GNA14: variants seen among roughly 807,000 people sequenced by gnomAD.
The protein encoded by GNA14 is G protein subunit alpha 14.
A neutral mutation model predicts 42.0 loss-of-function variants in GNA14; 50 were observed. That is an observed-to-expected ratio of 1.19 (90% CI 0.95 to 1.51). The LOEUF (loss-of-function observed/expected upper bound fraction) is 1.51, where lower values mean the gene tolerates loss of function less well. Among genes scored for constraint, GNA14 ranks in the 40% most tolerant of loss-of-function variants. The pLI, the probability that GNA14 is intolerant of heterozygous loss-of-function variation, is 0.00. For synonymous variants in GNA14, 173 were observed against 163.1 expected (o/e 1.06, Z -0.46); for missense variants, 473 against 446.2 (o/e 1.06, Z -0.54).
intron 2 of GNA14, among the ~76,000 whole-genome samples, chr9:77,516,664 T>G (rs1837263706): frequency 1.4e-5 from 2 of 147,496 alleles, no homozygotes. Flanking sequence ...AGGCGGAGGT[T>G]GCAGTAAGCT....
At position 77,647,912 on chromosome 9, in the gene GNA14, G is replaced by A. The variant is rs1430994332; in HGVS notation, c.-119C>T. The stretch of plus-strand genomic sequence containing the variant: ...AGGGGTGTGGAAAGAAAAGACGGGG[G>A]CCGACTTGAGCTTTGGAGTAAGACG... On this transcript the variant is annotated 5_prime_UTR_variant, in exon 1 of 7. Transcript: ENST00000341700. 20 of 1,202,358 alleles carry A rather than the reference G, an allele frequency of 1.7e-5. No homozygotes were observed. The highest frequency in any genetic ancestry group is 2.0e-5 in the Non-Finnish European group (17 of 869,656). 74.5% of individuals were successfully genotyped at this position (1,202,358 alleles called of 1,614,324 possible).
chr9:77,494,753 A>G (rs7029884), intron 2 of GNA14, among the ~76,000 whole-genome samples: 72,686 of 151,652 alleles, frequency 0.48, 18,075 homozygotes, highest in East Asian at 0.83. Flanking sequence ...GCCTTCAAAT[A>G]TGCAAAGAGT....
At chr9:77,476,766 T>C (rs973671401) in intron 2 of GNA14, among the ~76,000 whole-genome samples, 1 of 152,182 alleles carries the variant, frequency 6.6e-6, no homozygotes, top group African/African-American at 2.4e-5. Flanking sequence ...AGTGAGTACA[T>C]AGCACTTAAC....
intron 2 of GNA14, chr9:77,526,501 A>G (rs998667425): frequency 6.6e-6 from 1 of 152,206 alleles, no homozygotes; most frequent in Non-Finnish European, 1.5e-5. Flanking sequence ...TCCTTGTAAG[A>G]AAAGGGAAAT....
chr9:77,468,851 A>G (rs111469889), intron 2 of GNA14, among the ~76,000 whole-genome samples: 277 of 152,258 alleles, frequency 1.8e-3, no homozygotes, highest in African/African-American at 6.5e-3. Context: ...CAAGAAATAA[A>G]TCTTAGTTGT....
In GNA14 at chr9:77,429,187, G is replaced by A. The variant is rs187445777; in HGVS notation, c.594-151C>T. On this transcript the variant is annotated intron_variant, in intron 4 of 6. Transcript: ENST00000341700. ...GGTTCTAAGTTTTAAAATGTTTGAT[G>A]CTGCTGCTTTAAGCAATGAGGGACC... 2.4e-5 allele frequency: 17 copies of A among 709,180 alleles called. No individual in the cohort carries two copies. The East Asian group carries it at 4.2e-4, about 18-fold the overall frequency. The allele number at this position is 709,180 out of a possible 1,614,324, so 43.9% of individuals were successfully genotyped here.
rs188911448 is a variant in GNA14, at chr9:77,489,206, C to T, written c.309+39863G>A. On this transcript the variant is annotated intron_variant, in intron 2 of 6. Transcript: ENST00000341700. ...AAGAATGAATGAGCCCAAAGACAGGCGGTGTGAAAATACACAGTTAGAGGG... is the reference window on the plus strand; with the variant it reads ...AAGAATGAATGAGCCCAAAGACAGGTGGTGTGAAAATACACAGTTAGAGGG... Among the ~76,000 whole-genome samples the T allele has an allele frequency of 5.9e-3, 901 of 151,496 alleles. 9 individuals carry two copies. Among genetic ancestry groups the T allele is most frequent in the Middle Eastern group, 0.031 (9 of 294 alleles).
chr9:77,513,295 CG>C (rs893052287), intron 2 of GNA14, among the ~76,000 whole-genome samples: 1 of 152,220 alleles, frequency 6.6e-6, no homozygotes, highest in African/African-American at 2.4e-5. Flanking sequence ...CTGCCTGGGA[CG>C]TCAGGCCTCC....
In GNA14 at chr9:77,529,056, C is replaced by G; in HGVS notation, c.309+13G>C. The stretch of plus-strand genomic sequence containing the variant: ...CATTCACAAATAGGGCAAGCACTCC[C>G]TAAGCACGTTACCTTATTCTGTTCA... On this transcript the variant is annotated intron_variant, in intron 2 of 6. Coordinates refer to ENST00000341700, the MANE Select transcript of GNA14 (RefSeq NM_004297.4). The G allele has an allele frequency of 2.5e-6, 4 of 1,612,596 alleles. No homozygotes were observed. Among genetic ancestry groups the G allele is most frequent in the Non-Finnish European group, 3.4e-6 (4 of 1,178,608 alleles).
At chr9:77,437,787 G>T (rs956603489) in intron 2 of GNA14, among the ~76,000 whole-genome samples, 6 of 152,140 alleles carry the variant, frequency 3.9e-5, no homozygotes, top group African/African-American at 1.4e-4. Context: ...AATGAACACA[G>T]ATATGCCCTC....
intron 3 of GNA14, among the ~76,000 whole-genome samples, chr9:77,433,827 T>C (rs1312081169): frequency 6.6e-6 from 1 of 152,214 alleles, no homozygotes; most frequent in Non-Finnish European, 1.5e-5. Flanking sequence ...TTGAGCTTCC[T>C]GTGTGTGCTG....
At chr9:77,458,904 A>AGC (rs55765810) in intron 2 of GNA14, among the ~76,000 whole-genome samples, 3 of 134,404 alleles carry the variant, frequency 2.2e-5, no homozygotes, top group African/African-American at 2.7e-5. Context: ...CACAAGCTGG[A>AGC]GGGGGGGGGG....
intron 2 of GNA14, among the ~76,000 whole-genome samples, chr9:77,444,054 C>T (rs1835776526): frequency 6.6e-6 from 1 of 152,166 alleles, no homozygotes; most frequent in African/African-American, 2.4e-5. Context: ...AATACTTAAA[C>T]CCCTGTAGCT....
In GNA14 at chr9:77,424,158, C is replaced by T. The variant is rs1218657765; in HGVS notation, c.889G>A (p.Asp297Asn). Residue 297 changes from aspartate (D) to asparagine (N), a missense_variant, in exon 7 of 7, where the codon GAT becomes AAT. Transcript: ENST00000341700. ...YFPEYTGPKQ[D>N]VRAARDFILK... ...ATAAAGTCTCTGGCAGCTCTGACAT[C>T]CTGTTTCGGTCCTAGTCACAAGTGC... The T allele has an allele frequency of 2.5e-6, 4 of 1,608,076 alleles. No individual in the cohort carries two copies. Among genetic ancestry groups the T allele is most frequent in the African/African-American group, 2.7e-5 (2 of 74,776 alleles).
intron 1 of GNA14, among the ~76,000 whole-genome samples, chr9:77,564,376 A>G (rs1165031967): frequency 6.6e-6 from 1 of 151,944 alleles, no homozygotes; most frequent in Non-Finnish European, 1.5e-5. Context: ...GTCAGGCTGC[A>G]TACTTTAAAA....
chr9:77,462,721 G>A lies in GNA14; in HGVS notation c.310-28199C>T, dbSNP rs1488063230. Among the ~76,000 whole-genome samples the A allele has an allele frequency of 1.7e-4, 6 of 35,426 alleles. No homozygotes were observed. The East Asian group carries it at 6.3e-3, about 37-fold the overall frequency. 23.2% of individuals were successfully genotyped at this position (35,426 alleles called of 152,430 possible). A position where few individuals can be genotyped will look rare whatever the true frequency, so the allele number is the denominator to read the frequency against. On this transcript the variant is annotated intron_variant, in intron 2 of 6. Coordinates refer to ENST00000341700, the MANE Select transcript of GNA14 (RefSeq NM_004297.4). ...GGGTGACAGAGCAAGACTCCATCTC[G>A]GGGCGGGGGGTGGGGGGGTGGGAAA...
chr9:77,463,328 C>T lies in GNA14; in HGVS notation c.310-28806G>A, dbSNP rs149642674. ...TTCAGGCAATGCCAATAATAATTCT[C>T]TACTCAAGACAGCCAAGAACCAGAG... On this transcript the variant is annotated intron_variant, in intron 2 of 6. Transcript: ENST00000341700. Among the ~76,000 whole-genome samples, 372 of 152,218 alleles carry T rather than the reference C, an allele frequency of 2.4e-3. 1 individual carries two copies. Among genetic ancestry groups the T allele is most frequent in the Non-Finnish European group, 4.4e-3 (297 of 68,008 alleles).
chr9:77,633,293 A>C (rs1405604492), intron 1 of GNA14, among the ~76,000 whole-genome samples: 1 of 152,154 alleles, frequency 6.6e-6, no homozygotes, highest in Non-Finnish European at 1.5e-5. Flanking sequence ...AATGAGTATC[A>C]GTTCACTAGA....
intron 1 of GNA14, among the ~76,000 whole-genome samples, chr9:77,580,084 G>A (rs558080432): frequency 1.6e-3 from 239 of 152,288 alleles, no homozygotes; most frequent in Non-Finnish European, 2.3e-3. Flanking sequence ...CAGGGTGACT[G>A]TATGTCCTGG....
Sources: allele counts gnomAD v4.1 joint callset (sites outside exome capture counted in the v4.1 genomes callset), GRCh38; gene constraint gnomAD v4.1.1; transcripts MANE v1.5; gene names NCBI Gene and HGNC (gene_info 2026-07-23, HGNC 2026-07-21).